Variants in RGS13 observed in about 807,000 individuals in gnomAD.
RGS13 encodes regulator of G protein signaling 13, also known as regulator of G-protein signalling 13.
A neutral mutation model predicts 19.9 loss-of-function variants in RGS13; 14 were observed. The ratio of observed to expected loss-of-function variants is 0.70; its 90% CI spans 0.46 to 1.10. The LOEUF is 1.10. Among genes scored for constraint, RGS13 ranks in the 50% least tolerant of loss-of-function variants. The pLI, the probability that RGS13 is intolerant of heterozygous loss-of-function variation, is 0.00. For synonymous variants in RGS13, 60 were observed against 56.8 expected (o/e 1.06, Z -0.25); for missense variants, 205 against 187.1 (o/e 1.10, Z -0.56).
chr1:192,640,151 CAT>C (rs759575057), intron 3 of RGS13, among the ~76,000 whole-genome samples: 73 of 152,154 alleles, frequency 4.8e-4, no homozygotes, highest in Non-Finnish European at 8.5e-4. Flanking sequence ...ACAGAGAAGA[CAT>C]GTGAAGGAAG....
At chr1:192,643,559 T>A (rs945154343) in intron 3 of RGS13, among the ~76,000 whole-genome samples, 2 of 152,192 alleles carry the variant, frequency 1.3e-5, no homozygotes, top group Admixed American at 1.3e-4. Context: ...TAAAATTCAC[T>A]CAGAAGGTGC....
intron 5 of RGS13, among the ~76,000 whole-genome samples, chr1:192,655,836 G>A (rs1295534969): frequency 6.6e-6 from 1 of 151,950 alleles, no homozygotes; most frequent in Non-Finnish European, 1.5e-5. Context: ...TGTGTGGAGA[G>A]ATAGATAGAT....
At chr1:192,658,603 C>T in intron 6 of RGS13, 1 of 377,058 alleles carries the variant, frequency 2.7e-6, no homozygotes, top group Non-Finnish European at 4.7e-6. Flanking sequence ...TATCTGGCTC[C>T]AAAGCTTCTC....
intron 5 of RGS13, among the ~76,000 whole-genome samples, chr1:192,651,704 G>A (rs980920766): frequency 6.6e-6 from 1 of 151,986 alleles, no homozygotes; most frequent in Non-Finnish European, 1.5e-5. Flanking sequence ...TTATAAAGGA[G>A]GAATACAGAT....
At chr1:192,654,659 G>T (rs1269394339) in intron 5 of RGS13, among the ~76,000 whole-genome samples, 1 of 152,002 alleles carries the variant, frequency 6.6e-6, no homozygotes, top group Non-Finnish European at 1.5e-5. Context: ...TTCCTGCCTG[G>T]TGTAAGCCTT....
chr1:192,657,132 T>C (rs1663457305), intron 5 of RGS13, among the ~76,000 whole-genome samples: 1 of 152,120 alleles, frequency 6.6e-6, no homozygotes, highest in African/African-American at 2.4e-5. Flanking sequence ...TTGTATTAAA[T>C]TATGTACATC....
At chr1:192,658,764 T>C in intron 6 of RGS13, 1 of 177,410 alleles carries the variant, frequency 5.6e-6, no homozygotes, top group South Asian at 1.4e-4. Flanking sequence ...AAAAGTCTGT[T>C]AAGGGAATAA....
rs867055945 is a variant in RGS13, at chr1:192,658,132, A to G, written c.128-69A>G. ...GAGTTTTTAATCAGGCTTTTTTTTA[A>G]CTGTATTGCTTAGATTTTTTTGGTG... is the stretch of plus-strand genomic sequence containing the variant. On this transcript the variant is annotated intron_variant, in intron 5 of 6. Transcript: ENST00000391995. 36 of 1,114,284 alleles carry G rather than the reference A, an allele frequency of 3.2e-5. No individual in the cohort carries two copies. The Middle Eastern group carries it at 6.6e-4, about 20-fold the overall frequency. The allele number at this position is 1,114,284 out of a possible 1,614,324, so 69.0% of individuals were successfully genotyped here.
chr1:192,658,121 G>C (rs1663476592), intron 5 of RGS13, 80 bp from the exon 6 acceptor site: 2 of 985,412 alleles, frequency 2.0e-6, no homozygotes, highest in Non-Finnish European at 1.5e-6. Flanking sequence ...TTTTAATCAG[G>C]CTTTTTTTTA....
chr1:192,644,495 G>C (rs1392875273), intron 4 of RGS13, 96 bp downstream of exon 4: 2 of 944,390 alleles, frequency 2.1e-6, no homozygotes, highest in Non-Finnish European at 3.3e-6. Context: ...AACATATTTT[G>C]TTCAGAAAGT....
At chr1:192,643,743 A>G (rs1171153209) in intron 3 of RGS13, among the ~76,000 whole-genome samples, 3 of 152,096 alleles carry the variant, frequency 2.0e-5, no homozygotes, top group African/African-American at 7.2e-5. Flanking sequence ...TGGGCCCAGG[A>G]GTTTGAGACC....
intron 4 of RGS13, chr1:192,645,577 A>T (rs1025551278): frequency 6.6e-6 from 1 of 152,152 alleles, no homozygotes; most frequent in Non-Finnish European, 1.5e-5. Context: ...CTGCAACATC[A>T]TGGTATCTTA....
chr1:192,658,434 G>C (rs1571588856), intron 6 of RGS13, 67 bp downstream of exon 6: 1 of 1,451,778 alleles, frequency 6.9e-7, no homozygotes, highest in South Asian at 1.3e-5. Context: ...TATCTGTCAA[G>C]CATCCATAAG....
At chr1:192,651,630 C>T (rs1292983701) in intron 5 of RGS13, among the ~76,000 whole-genome samples, 1 of 151,858 alleles carries the variant, frequency 6.6e-6, no homozygotes, top group Non-Finnish European at 1.5e-5. Flanking sequence ...TAGGAGGGAA[C>T]CAGAAAAAAA....
intron 3 of RGS13, among the ~76,000 whole-genome samples, chr1:192,641,308 A>G (rs1029889977): frequency 1.1e-4 from 15 of 136,548 alleles, no homozygotes; most frequent in Non-Finnish European, 2.4e-4. Flanking sequence ...GAAAGAAAGA[A>G]AAGAAAGAAA....
At chr1:192,655,983 G>A (rs1663431130) in intron 5 of RGS13, among the ~76,000 whole-genome samples, 1 of 152,004 alleles carries the variant, frequency 6.6e-6, no homozygotes, top group Non-Finnish European at 1.5e-5. Flanking sequence ...CATTTGGCCA[G>A]CCCAAAAAAG....
chr1:192,658,674 A>C (rs1439306059), intron 6 of RGS13: 1 of 251,526 alleles, frequency 4.0e-6, no homozygotes, highest in East Asian at 8.0e-5. Flanking sequence ...CTGTGGCGAA[A>C]GCATTGGCCT....
intron 5 of RGS13, among the ~76,000 whole-genome samples, chr1:192,651,662 G>A (rs951047945): frequency 1.3e-5 from 2 of 151,984 alleles, no homozygotes; most frequent in Non-Finnish European, 2.9e-5. Context: ...ATCCCAAAAA[G>A]GAACAGGGAC....
chr1:192,638,490 T>C (rs2102027255), intron 3 of RGS13, among the ~76,000 whole-genome samples: 1 of 152,200 alleles, frequency 6.6e-6, no homozygotes, highest in Non-Finnish European at 1.5e-5. Context: ...GGTTCTGTGA[T>C]ATTCCAACAA....
Sources: gnomAD v4.1 joint callset for allele counts (sites outside exome capture counted in the v4.1 genomes callset) on GRCh38, gnomAD v4.1.1 for gene constraint, MANE v1.5 for transcripts, NCBI Gene and HGNC (gene_info 2026-07-23, HGNC 2026-07-21) for gene names.